Variants in GABRG3 observed in about 807,000 individuals in gnomAD.
The protein encoded by GABRG3 is gamma-aminobutyric acid type A receptor subunit gamma3.
GABRG3 carries 25 observed loss-of-function variants against 48.8 expected under a neutral mutation model. The ratio of observed to expected loss-of-function variants is 0.51; its 90% CI spans 0.37 to 0.72. The LOEUF (loss-of-function observed/expected upper bound fraction) is 0.72, where lower values mean the gene tolerates loss of function less well. GABRG3 is among the 30% of genes least tolerant of loss of function. GABRG3 has a pLI of 0.00. For synonymous variants in GABRG3, 227 were observed against 217.6 expected (o/e 1.04, Z -0.38); for missense variants, 394 against 577.9 (o/e 0.68, Z 3.26).
At chr15:27,363,231 A>C (rs1895080842) in intron 5 of GABRG3, 1 of 152,156 alleles carries the variant, frequency 6.6e-6, no homozygotes, top group South Asian at 2.1e-4. Flanking sequence ...TGAAATAAGC[A>C]GGAATATCAT....
intron 6 of GABRG3, among the ~76,000 whole-genome samples, chr15:27,485,912 C>A (rs1890208748): frequency 6.6e-6 from 1 of 152,220 alleles, no homozygotes; most frequent in Non-Finnish European, 1.5e-5. Flanking sequence ...CAAGCTGCTT[C>A]TCTCCTTTGT....
intron 3 of GABRG3, among the ~76,000 whole-genome samples, chr15:27,306,481 CATAT>C (rs1197583553): frequency 1.5e-5 from 2 of 136,312 alleles, no homozygotes; most frequent in East Asian, 2.3e-4. Flanking sequence ...TATATATAAA[CATAT>C]ATATAATATA....
chr15:26,971,649 G>A (rs1361513305), intron 1 of GABRG3, 61 bp downstream of exon 1: 1 of 1,498,890 alleles, frequency 6.7e-7, no homozygotes. Context: ...GCGGCGGGGG[G>A]CGCTGTCTGC....
intron 5 of GABRG3, among the ~76,000 whole-genome samples, chr15:27,355,396 A>T (rs1196765218): frequency 1.3e-5 from 2 of 152,240 alleles, no homozygotes; most frequent in African/African-American, 2.4e-5. Context: ...ACCATAGGTC[A>T]TGAGGGAAAT....
chr15:26,984,130 G>T (rs1895107479), intron 2 of GABRG3, among the ~76,000 whole-genome samples: 2 of 152,070 alleles, frequency 1.3e-5, no homozygotes. Context: ...CATTTTGAAG[G>T]CCTGTCTTGA....
chr15:27,527,372 C>T, intron 7 of GABRG3, 61 bp from the exon 8 acceptor site: 4 of 1,507,152 alleles, frequency 2.7e-6, no homozygotes, highest in Non-Finnish European at 2.7e-6. Context: ...TGTGGGTGAC[C>T]GTCTGGGATT....
chr15:27,526,539 T>C (rs977430495), intron 7 of GABRG3, among the ~76,000 whole-genome samples: 1 of 152,154 alleles, frequency 6.6e-6, no homozygotes, highest in African/African-American at 2.4e-5. Context: ...GGAGAGTCAG[T>C]CTTAGCCTGT....
intron 3 of GABRG3, among the ~76,000 whole-genome samples, chr15:27,063,579 C>T (rs1270653455): frequency 1.3e-5 from 2 of 152,204 alleles, no homozygotes; most frequent in African/African-American, 4.8e-5. Context: ...AAGGAAGCTT[C>T]CTGAGGCCTC....
chr15:27,399,122 A>G (rs576233464), intron 5 of GABRG3, among the ~76,000 whole-genome samples: 2 of 152,354 alleles, frequency 1.3e-5, no homozygotes, highest in South Asian at 4.1e-4. Flanking sequence ...AGCTAAAACA[A>G]TGGCATAGCC....
chr15:26,985,764 T>G (rs571477194), intron 2 of GABRG3, among the ~76,000 whole-genome samples: 1 of 152,162 alleles, frequency 6.6e-6, no homozygotes, highest in Non-Finnish European at 1.5e-5. Context: ...TTGGAGTGTA[T>G]GAAGGGCCGT....
intron 3 of GABRG3, among the ~76,000 whole-genome samples, chr15:27,218,273 A>C (rs1475079197): frequency 6.6e-6 from 1 of 152,138 alleles, no homozygotes; most frequent in Non-Finnish European, 1.5e-5. Flanking sequence ...TAAGAGTCAC[A>C]GGTGTGACAA....
At chr15:27,178,112 C>T (rs1595568523) in intron 3 of GABRG3, among the ~76,000 whole-genome samples, 1 of 152,134 alleles carries the variant, frequency 6.6e-6, no homozygotes, top group Non-Finnish European at 1.5e-5. Context: ...GGGATGTGCA[C>T]AGGTGGGCCT....
chr15:27,443,107 T>G (rs991728524), intron 5 of GABRG3, among the ~76,000 whole-genome samples: 27 of 152,142 alleles, frequency 1.8e-4, no homozygotes, highest in African/African-American at 6.0e-4. Flanking sequence ...AAGAGGAAAT[T>G]AAGTTAAAAT....
rs79497756 is a variant in GABRG3 at position 27,026,765 on chromosome 15, G to A, written c.214G>A (p.Val72Ile). The change falls in exon 3 of 10, where the codon GTA becomes ATA. Residue 72 changes from valine (V) to isoleucine (I), a missense_variant. Val to Ile is a conservative substitution (Grantham distance 29). Coordinates refer to ENST00000615808, the MANE Select transcript of GABRG3 (RefSeq NM_033223.5). ...ATTTTTCTCCACAGTAAAACCGACC[G>A]TAATTGACGTTGACATTTATGTTAA... ...LRPDIGIKPT[V>I]IDVDIYVNSI... 4.8e-5 allele frequency: 78 copies of A among 1,611,070 alleles called. No individual in the cohort carries two copies. The highest frequency in any genetic ancestry group is 6.7e-5 in the Admixed American group (4 of 59,266).
intron 3 of GABRG3, among the ~76,000 whole-genome samples, chr15:27,029,485 A>G (rs1203372474): frequency 6.6e-6 from 1 of 151,964 alleles, no homozygotes; most frequent in East Asian, 1.9e-4. Context: ...ACTCGTGCAC[A>G]CACACAGGCA....
rs912811993 is a variant in GABRG3 at position 27,179,702 on chromosome 15, T to C, written c.271-147107T>C. ...TATCTTCAGAAGTTTTGTTTGATTC[T>C]CTATTTGTTGCCATCTGTTCTGTGT... On this transcript the variant is annotated intron_variant, in intron 3 of 9. Transcript: ENST00000615808. The surrounding 1 kb of genome is among the most constrained non-coding windows in gnomAD (Gnocchi z 4.0). Among the ~76,000 whole-genome samples, 2 of 152,218 alleles carry C rather than the reference T, an allele frequency of 1.3e-5. No homozygotes were observed. Among genetic ancestry groups the C allele is most frequent in the Non-Finnish European group, 2.9e-5 (2 of 68,032 alleles).
At chr15:27,523,392 A>G (rs1051627380) in intron 7 of GABRG3, among the ~76,000 whole-genome samples, 1 of 151,708 alleles carries the variant, frequency 6.6e-6, no homozygotes, top group Non-Finnish European at 1.5e-5. Flanking sequence ...TAGTCTTTAT[A>G]TTAATATTTT....
intron 3 of GABRG3, among the ~76,000 whole-genome samples, chr15:27,212,646 G>T (rs766765303): frequency 6.6e-6 from 1 of 152,070 alleles, no homozygotes; most frequent in Non-Finnish European, 1.5e-5. Context: ...TCACGTTGTC[G>T]TACAACCGTC....
intron 5 of GABRG3, among the ~76,000 whole-genome samples, chr15:27,449,082 A>G (rs1326647871): frequency 6.6e-6 from 1 of 152,096 alleles, no homozygotes; most frequent in Non-Finnish European, 1.5e-5. Context: ...ACATGGTCTG[A>G]CTTCCTTTCT....
Sources: gnomAD v4.1 joint callset for allele counts (sites outside exome capture counted in the v4.1 genomes callset) on GRCh38, gnomAD v4.1.1 for gene constraint, Gnocchi (gnomAD v3.1) non-coding constraint, MANE v1.5 for transcripts, NCBI Gene and HGNC (gene_info 2026-07-23, HGNC 2026-07-21) for gene names.